Variants in PSMA1 observed in about 807,000 individuals in gnomAD.
The protein encoded by PSMA1 is proteasome 20S subunit alpha 1.
PSMA1 carries 3 observed loss-of-function variants against 38.4 expected under a neutral mutation model. The observed-to-expected ratio is 0.08, with a 90% confidence interval of 0.04 to 0.20. The LOEUF is 0.20. Ranked by LOEUF, PSMA1 falls within the 10% of genes least tolerant of loss-of-function variation. The pLI, the probability that PSMA1 is intolerant of heterozygous loss-of-function variation, is 1.00. For missense variants in PSMA1, 227 were observed against 325.3 expected (o/e 0.70, Z 2.32); for synonymous variants, 101 against 107.1 (o/e 0.94, Z 0.35).
chr11:14,609,854 C>T (rs930952376), intron 2 of PSMA1, among the ~76,000 whole-genome samples: 3 of 152,126 alleles, frequency 2.0e-5, no homozygotes, highest in African/African-American at 7.2e-5. Flanking sequence ...TGAATTAACA[C>T]GATCACCTGG....
intron 1 of PSMA1, among the ~76,000 whole-genome samples, chr11:14,631,729 T>C (rs1284849133): frequency 6.6e-6 from 1 of 152,190 alleles, no homozygotes; most frequent in Non-Finnish European, 1.5e-5. Context: ...CTTGTTGACT[T>C]TCTGTCTCAT....
chr11:14,518,102 G>C, intron 2 of PSMA1, 121 bp from the exon 3 acceptor site: 3 of 696,176 alleles, frequency 4.3e-6, no homozygotes, highest in Non-Finnish European at 6.8e-6. Context: ...TTAATCAAGA[G>C]ACCTTTTTTT....
chr11:14,513,857 C>T lies in PSMA1; in HGVS notation c.374G>A (p.Arg125Gln), dbSNP rs1851385719. The change falls in exon 6 of 10, where the codon CGG (arginine) becomes CAG (glutamine). Residue 125 changes from arginine (R) to glutamine (Q), a missense_variant. Transcript: ENST00000396394. ...AAGGAGACCAACACCATATGGTCTC[C>T]GGCCATATCGTTGTGTTGGTATCTG... ...KTQIPTQRYG[R>Q]RPYGVGLLIA... 5 of 1,601,866 alleles carry T rather than the reference C, an allele frequency of 3.1e-6. No homozygotes were observed. Among genetic ancestry groups the T allele is most frequent in the Non-Finnish European group, 1.7e-6 (2 of 1,176,442 alleles).
At chr11:14,619,567 C>CTTT (rs987617300) in intron 1 of PSMA1, among the ~76,000 whole-genome samples, 2 of 152,044 alleles carry the variant, frequency 1.3e-5, no homozygotes, top group African/African-American at 4.8e-5. Context: ...TAAAGAAAAA[C>CTTT]AAGTAAAAGC....
intron 2 of PSMA1, among the ~76,000 whole-genome samples, chr11:14,528,874 C>A (rs1284384369): frequency 6.6e-6 from 1 of 152,142 alleles, no homozygotes; most frequent in Non-Finnish European, 1.5e-5. Flanking sequence ...AGATCCACCC[C>A]CTGCCCCTAA....
intron 2 of PSMA1, among the ~76,000 whole-genome samples, chr11:14,591,328 C>T (rs191420003): frequency 3.3e-4 from 51 of 152,326 alleles, no homozygotes; most frequent in Admixed American, 5.9e-4. Context: ...CTGCAGCCCG[C>T]CATGCCTGAG....
chr11:14,518,912 C>G, intron 2 of PSMA1, 85 bp downstream of exon 2: 1 of 1,107,482 alleles, frequency 9.0e-7, no homozygotes, highest in African/African-American at 1.6e-5. Flanking sequence ...TCCATTTTCC[C>G]CAAGCCTACG....
intron 2 of PSMA1, among the ~76,000 whole-genome samples, chr11:14,586,370 T>C (rs996079605): frequency 4.0e-5 from 6 of 151,788 alleles, no homozygotes. Context: ...AGGCAGAGGC[T>C]GCAGTGAGCC....
chr11:14,536,325 G>A (rs986064189), intron 2 of PSMA1, among the ~76,000 whole-genome samples: 1 of 152,000 alleles, frequency 6.6e-6, no homozygotes, highest in Non-Finnish European at 1.5e-5. Flanking sequence ...TCAAGAATTC[G>A]AAACCAGCCT....
intron 4 of PSMA1, among the ~76,000 whole-genome samples, chr11:14,515,351 A>C (rs117904234): frequency 4.1e-3 from 624 of 152,306 alleles, no homozygotes; most frequent in Non-Finnish European, 7.5e-3. Flanking sequence ...AATTTCAAAG[A>C]CTTAGTACCT....
intron 2 of PSMA1, among the ~76,000 whole-genome samples, chr11:14,567,383 C>T (rs1852084442): frequency 6.6e-6 from 1 of 152,170 alleles, no homozygotes; most frequent in Admixed American, 6.5e-5. Flanking sequence ...CAGATTTGAG[C>T]ATGGCAGATA....
chr11:14,551,216 G>C (rs1021932037), intron 2 of PSMA1, among the ~76,000 whole-genome samples: 1 of 152,150 alleles, frequency 6.6e-6, no homozygotes, highest in Non-Finnish European at 1.5e-5. Context: ...TGCTTCTGGT[G>C]TTTTGAATCC....
chr11:14,572,732 T>G (rs574684142), intron 2 of PSMA1, among the ~76,000 whole-genome samples: 111 of 152,218 alleles, frequency 7.3e-4, no homozygotes, highest in Non-Finnish European at 1.4e-3. Flanking sequence ...AGGAGCTGGT[T>G]TTTTGAAAAG....
intron 2 of PSMA1, among the ~76,000 whole-genome samples, chr11:14,527,621 C>T (rs1036778008): frequency 3.9e-5 from 6 of 152,202 alleles, no homozygotes; most frequent in South Asian, 4.1e-4. Context: ...ATTGACTTTA[C>T]TCACATGCCT....
chr11:14,605,419 T>C (rs2134195805), intron 2 of PSMA1, among the ~76,000 whole-genome samples: 1 of 152,304 alleles, frequency 6.6e-6, no homozygotes, highest in South Asian at 2.1e-4. Context: ...AGTCTCACTC[T>C]GTCACCCAGG....
At chr11:14,629,303 CT>C (rs1166757732) in intron 1 of PSMA1, among the ~76,000 whole-genome samples, 3 of 152,096 alleles carry the variant, frequency 2.0e-5, no homozygotes, top group African/African-American at 7.2e-5. Flanking sequence ...GGTTTTAGGT[CT>C]AACGTTTAAG....
chr11:14,577,582 G>A (rs1852233245), intron 2 of PSMA1, among the ~76,000 whole-genome samples: 1 of 152,118 alleles, frequency 6.6e-6, no homozygotes, highest in African/African-American at 2.4e-5. Context: ...AACAATAAAA[G>A]TAATAGTAAT....
At chr11:14,555,080 A>C (rs1237709262) in intron 2 of PSMA1, among the ~76,000 whole-genome samples, 2 of 152,206 alleles carry the variant, frequency 1.3e-5, no homozygotes, top group African/African-American at 2.4e-5. Flanking sequence ...TACTGTTGGC[A>C]AGTTAAGGAG....
At chr11:14,510,576 T>C (rs564058313) in intron 8 of PSMA1, among the ~76,000 whole-genome samples, 3 of 152,210 alleles carry the variant, frequency 2.0e-5, no homozygotes, top group African/African-American at 7.2e-5. Flanking sequence ...TGCCTGCACA[T>C]GGTAGGTGCT....
Sources: gnomAD v4.1 joint callset for allele counts (sites outside exome capture counted in the v4.1 genomes callset) on GRCh38, gnomAD v4.1.1 for gene constraint, MANE v1.5 for transcripts, NCBI Gene and HGNC (gene_info 2026-07-23, HGNC 2026-07-21) for gene names.